Variants in CLASP1 observed in about 807,000 individuals in gnomAD.
CLASP1 encodes the protein CLIP-associating protein 1.
CLASP1 carries 38 observed loss-of-function variants against 192.3 expected under a neutral mutation model. The ratio of observed to expected loss-of-function variants is 0.20; its 90% CI spans 0.15 to 0.26. The LOEUF (loss-of-function observed/expected upper bound fraction) is 0.26. Among genes scored for constraint, CLASP1 ranks in the 10% least tolerant of loss-of-function variants. The pLI, the probability that CLASP1 is intolerant of heterozygous loss-of-function variation, is 1.00. For synonymous variants in CLASP1, 691 were observed against 712.8 expected, an observed-to-expected ratio of 0.97 and a Z score of 0.49; for missense variants, 1,433 against 1,932.5, an observed-to-expected ratio of 0.74 and a Z score of 4.85.
chr2:121,636,335 C>T (rs1559838885), intron 1 of CLASP1, among the ~76,000 whole-genome samples: 1 of 119,636 alleles, frequency 8.4e-6, no homozygotes, highest in African/African-American at 4.1e-5. Context: ...GACTCCATTT[C>T]AAAAATAATA....
At chr2:121,477,047 C>T (rs1478338850) in intron 8 of CLASP1, among the ~76,000 whole-genome samples, 1 of 152,200 alleles carries the variant, frequency 6.6e-6, no homozygotes, top group African/African-American at 2.4e-5. Context: ...AGCCTGAGAT[C>T]CTGCCCGGCT....
chr2:121,623,040 A>C (rs1388720570), intron 1 of CLASP1, among the ~76,000 whole-genome samples: 2 of 152,098 alleles, frequency 1.3e-5, no homozygotes, highest in Non-Finnish European at 2.9e-5. Context: ...CCTGGGCAAC[A>C]TAGTAAAACT....
chr2:121,486,629 C>T (rs1162995399), intron 8 of CLASP1, among the ~76,000 whole-genome samples: 1 of 152,174 alleles, frequency 6.6e-6, no homozygotes, highest in African/African-American at 2.4e-5. Flanking sequence ...TTCTTTTTGA[C>T]AATCACTACA....
exon 26 of CLASP1, chr2:121,404,386 A>G: frequency 6.2e-7 from 1 of 1,612,582 alleles, no homozygotes; most frequent in South Asian, 1.1e-5. Flanking sequence ...TATGAGGGTC[A>G]GCAAACATCC....
rs546458267 is a variant in CLASP1 at position 121,531,060 on chromosome 2, T to G, written c.196-735A>C. ...AGTTCAAACAGCAGTAATTCGTAAATAAACTAGTACTTTGTGGTTAAACCA... is the reference window on the plus strand; with the variant it reads ...AGTTCAAACAGCAGTAATTCGTAAAGAAACTAGTACTTTGTGGTTAAACCA... On this transcript the variant is annotated intron_variant, in intron 2 of 39. Transcript: ENST00000263710. 729 of 696,318 alleles carry G rather than the reference T, an allele frequency of 1.0e-3. 4 individuals carry two copies. The highest frequency in any genetic ancestry group is 7.5e-3 in the African/African-American group (426 of 57,084). The allele number at this position is 696,318 out of a possible 1,614,324, so 43.1% of individuals were successfully genotyped here. A position where few individuals can be genotyped will look rare whatever the true frequency, so the allele number is the denominator to read the frequency against.
At position 121,394,836 on chromosome 2, in the gene CLASP1, C is replaced by T. The variant is rs540662435; in HGVS notation, c.3123+2304G>A. 7.2e-3 allele frequency among the ~76,000 whole-genome samples: 1,100 copies of T among 152,234 alleles called. 10 individuals carry two copies. Among genetic ancestry groups the T allele is most frequent in the Non-Finnish European group, 0.012 (838 of 67,992 alleles). On this transcript the variant is annotated intron_variant, in intron 30 of 39. Transcript: ENST00000263710. The stretch of plus-strand genomic sequence containing the variant: ...CGGAGGTTGCAGTGAGCCGAGATCG[C>T]GCCACTGCACTCCAGCCTGGGTGAC...
intron 16 of CLASP1, among the ~76,000 whole-genome samples, chr2:121,449,605 T>A (rs985742437): frequency 1.1e-5 from 1 of 87,956 alleles, no homozygotes; most frequent in Non-Finnish European, 2.1e-5. Flanking sequence ...CAAGAAAAAA[T>A]GGGCCGGGGG....
At chr2:121,399,868 C>G (rs1472671537) in intron 28 of CLASP1, among the ~76,000 whole-genome samples, 1 of 152,184 alleles carries the variant, frequency 6.6e-6, no homozygotes, top group Non-Finnish European at 1.5e-5. Flanking sequence ...AAGTCTGGCT[C>G]ACATGTGTTT....
At chr2:121,530,911 C>A (rs549457414) in intron 2 of CLASP1, 2 of 699,050 alleles carry the variant, frequency 2.9e-6, no homozygotes, top group African/African-American at 1.7e-5. Flanking sequence ...GCGCTACTGT[C>A]CAATGAGCGC....
At chr2:121,537,340 C>T (rs1468136145) in intron 2 of CLASP1, among the ~76,000 whole-genome samples, 1 of 151,408 alleles carries the variant, frequency 6.6e-6, no homozygotes, top group Non-Finnish European at 1.5e-5. Context: ...TGCAGTGAGC[C>T]GTGATCTTGT....
intron 19 of CLASP1, among the ~76,000 whole-genome samples, chr2:121,441,930 TTTCCTGAAGAG>T (rs1260150886): frequency 6.6e-6 from 1 of 152,188 alleles, no homozygotes; most frequent in East Asian, 1.9e-4. Flanking sequence ...CTAAGTTCTT[TTTCCTGAAGAG>T]AAGACAAGGC....
chr2:121,404,536 A>G, intron 25 of CLASP1, 102 bp from the exon 27 acceptor site: 1 of 1,008,988 alleles, frequency 9.9e-7, no homozygotes, highest in Non-Finnish European at 1.5e-6. Flanking sequence ...GTGCGATCAT[A>G]GCTCACTACA....
chr2:121,648,353 T>C (rs971308764), intron 1 of CLASP1, among the ~76,000 whole-genome samples: 2 of 152,174 alleles, frequency 1.3e-5, no homozygotes, highest in South Asian at 2.1e-4. Context: ...AAGCTCTCAT[T>C]GCCACATCTA....
chr2:121,565,743 A>G (rs926381524), intron 2 of CLASP1, among the ~76,000 whole-genome samples: 3 of 152,252 alleles, frequency 2.0e-5, no homozygotes, highest in Non-Finnish European at 4.4e-5. Context: ...ATCAAAGATC[A>G]TCAGGCATGA....
At chr2:121,350,752 T>TG (rs1247776820) in intron 37 of CLASP1, among the ~76,000 whole-genome samples, 2 of 152,206 alleles carry the variant, frequency 1.3e-5, no homozygotes, top group African/African-American at 4.8e-5. Context: ...ATATGAGCTT[T>TG]GGCTACTCAC....
chr2:121,628,689 A>C (rs2068858247), intron 1 of CLASP1, among the ~76,000 whole-genome samples: 1 of 151,830 alleles, frequency 6.6e-6, no homozygotes, highest in African/African-American at 2.4e-5. Flanking sequence ...AAAAAAAAAA[A>C]GAATGTAATT....
At chr2:121,364,981 G>T in intron 36 of CLASP1, 113 bp downstream of exon 37, 1 of 957,230 alleles carries the variant, frequency 1.0e-6, no homozygotes, top group Non-Finnish European at 1.6e-6. Flanking sequence ...ATGTTTTGAT[G>T]TAAACAGTAA....
chr2:121,549,735 G>C (rs568936237), intron 2 of CLASP1, among the ~76,000 whole-genome samples: 5 of 144,232 alleles, frequency 3.5e-5, no homozygotes, highest in South Asian at 2.2e-4. Flanking sequence ...GCCTGGCGTG[G>C]TGGCTCACGC....
At chr2:121,446,654 T>G (rs999385020) in intron 19 of CLASP1, among the ~76,000 whole-genome samples, 1 of 152,216 alleles carries the variant, frequency 6.6e-6, no homozygotes, top group African/African-American at 2.4e-5. Context: ...ACAGTACGTG[T>G]TAAGCAACTG....
Sources: gnomAD v4.1 joint callset for allele counts (sites outside exome capture counted in the v4.1 genomes callset) on GRCh38, gnomAD v4.1.1 for gene constraint, MANE v1.5 for transcripts, NCBI Gene and HGNC (gene_info 2026-07-23, HGNC 2026-07-21) for gene names.